The following RHBDD1 variants were observed in gnomAD, a reference collection of about 807,000 sequenced individuals.
RHBDD1 encodes rhomboid-related protein 4.
Under a neutral mutation model 36.3 loss-of-function variants are expected in RHBDD1, and 38 were observed. The ratio of observed to expected loss-of-function variants is 1.05; its 90% confidence interval spans 0.81 to 1.37. The LOEUF is 1.37. Ranked by LOEUF, RHBDD1 falls within the 40% of genes most tolerant of loss-of-function variation. RHBDD1 has a pLI of 0.00. For synonymous variants in RHBDD1, 151 were observed against 136.5 expected, an observed-to-expected ratio of 1.11 and a Z score of -0.74; for missense variants, 393 against 377.6, an observed-to-expected ratio of 1.04 and a Z score of -0.34.
the RHBDD1 span, among the ~76,000 whole-genome samples, chr2:226,805,563 C>A: frequency 6.6e-6 from 1 of 152,230 alleles, no homozygotes. Flanking sequence ...TAAGCATATG[C>A]TTAGAAAGAT....
Position 226,993,145 on chromosome 2 carries a change from GC to G in RHBDD1, c.857-2282del, listed in dbSNP as rs1394372204. Among the ~76,000 whole-genome samples, 3 of 152,164 alleles carry G rather than the reference GC, an allele frequency of 2.0e-5. No homozygotes were observed. The East Asian group carries it at 5.8e-4, about 29-fold the overall frequency. On this transcript the variant is annotated intron_variant, in intron 8 of 8. Coordinates refer to ENST00000392062, the MANE Select transcript of RHBDD1 (RefSeq NM_001167608.3). Reference sequence around the variant, plus strand: ...TGGACCTCGGGCATCTTCCTAGTCTGCCCCTTCTAATTCCTCCAGGCAGTTC... The same window carrying G: ...TGGACCTCGGGCATCTTCCTAGTCTGCCCTTCTAATTCCTCCAGGCAGTTC...
At chr2:226,832,845 T>TA (rs1294779646), upstream of RHBDD1, among the ~76,000 whole-genome samples, 1 of 151,848 alleles carries the variant, frequency 6.6e-6, no homozygotes, top group Non-Finnish European at 1.5e-5. Context: ...CCATCTCTAC[T>TA]AAAAAAATAC....
At chr2:226,968,802 C>T (rs1373192683) in intron 8 of RHBDD1, among the ~76,000 whole-genome samples, 1 of 152,198 alleles carries the variant, frequency 6.6e-6, no homozygotes, top group Admixed American at 6.5e-5. Context: ...TCGGTGTTTG[C>T]AGAATGGCTA....
At chr2:226,884,251 A>T (rs1946030497) in intron 5 of RHBDD1, among the ~76,000 whole-genome samples, 1 of 152,030 alleles carries the variant, frequency 6.6e-6, no homozygotes, top group Admixed American at 6.6e-5. Flanking sequence ...TGGGAGTTAA[A>T]TAGGCATGAG....
At chr2:226,833,452 T>C (rs575173257), upstream of RHBDD1, among the ~76,000 whole-genome samples, 10 of 152,318 alleles carry the variant, frequency 6.6e-5, no homozygotes, top group South Asian at 1.4e-3. Context: ...ATTTGTGAAC[T>C]GTACAAGGGT....
chr2:226,837,266 A>G (rs192735091), intron 1 of RHBDD1, among the ~76,000 whole-genome samples: 120 of 152,360 alleles, frequency 7.9e-4, no homozygotes, highest in Admixed American at 1.8e-3. Flanking sequence ...TAAGTAACTT[A>G]TTAGAACTGC....
chr2:226,863,732 G>A (rs1263119756), intron 3 of RHBDD1, among the ~76,000 whole-genome samples: 2 of 152,198 alleles, frequency 1.3e-5, no homozygotes, highest in Non-Finnish European at 2.9e-5. Flanking sequence ...TCATCTTGAG[G>A]TATAGGCTGG....
intron 8 of RHBDD1, among the ~76,000 whole-genome samples, chr2:226,983,981 C>T (rs553334108): frequency 2.3e-4 from 35 of 152,276 alleles, no homozygotes; most frequent in Non-Finnish European, 4.4e-4. Context: ...AGGAACTGTC[C>T]CTGCTCGTAT....
At chr2:226,923,686 A>G (rs367746402) in intron 8 of RHBDD1, among the ~76,000 whole-genome samples, 2 of 152,014 alleles carry the variant, frequency 1.3e-5, no homozygotes, top group East Asian at 3.9e-4. Flanking sequence ...TTTTCTAGAT[A>G]TTGAAGGTGT....
At chr2:226,863,952 A>G (rs1283015652) in intron 3 of RHBDD1, among the ~76,000 whole-genome samples, 1 of 151,912 alleles carries the variant, frequency 6.6e-6, no homozygotes, top group East Asian at 1.9e-4. Context: ...TGCATTTAGA[A>G]CATTATGTGG....
chr2:226,812,902 C>A, the RHBDD1 span, among the ~76,000 whole-genome samples: 2 of 152,126 alleles, frequency 1.3e-5, no homozygotes, highest in Admixed American at 1.3e-4. Flanking sequence ...TTAGGAATTT[C>A]TAGGTAGGTA....
the RHBDD1 span, among the ~76,000 whole-genome samples, chr2:226,805,348 G>T: frequency 1.3e-5 from 2 of 152,202 alleles, no homozygotes; most frequent in Admixed American, 6.5e-5. Context: ...GAGTAGCTGG[G>T]ATTACAGGCA....
At position 226,958,702 on chromosome 2, in the gene RHBDD1, CTGTGTGTGTGTGTGTGTGTG is replaced by C. The variant is rs10666758; in HGVS notation, c.857-36705_857-36686del. The stretch of plus-strand genomic sequence containing the variant: ...TTTGAGTTTAGGATGAAGGATTTTT[CTGTGTGTGTGTGTGTGTGTG>C]TGTGTGTGTGTGTGTGTGTGTGTAA... On this transcript the variant is annotated intron_variant, in intron 8 of 8. Transcript: ENST00000392062. 2.2e-5 allele frequency among the ~76,000 whole-genome samples: 3 copies of C among 138,938 alleles called. No individual in the cohort carries two copies. In the East Asian group the frequency reaches 6.4e-4, roughly 29 times the overall value. 91.1% of individuals were successfully genotyped at this position (138,938 alleles called of 152,430 possible). A position where few individuals can be genotyped will look rare whatever the true frequency, so the allele number is the denominator to read the frequency against.
chr2:226,867,792 C>T (rs1303368316), intron 5 of RHBDD1: 2 of 376,804 alleles, frequency 5.3e-6, no homozygotes, highest in Non-Finnish European at 7.3e-6. Flanking sequence ...GATCTCAGCT[C>T]ACTGCAACCT....
intron 5 of RHBDD1, among the ~76,000 whole-genome samples, chr2:226,885,296 T>G (rs1946114925): frequency 6.6e-6 from 1 of 152,184 alleles, no homozygotes; most frequent in African/African-American, 2.4e-5. Flanking sequence ...GTAAAAAGGT[T>G]TATACCCTTT....
chr2:226,889,147 TA>T (rs1179666126), intron 5 of RHBDD1, among the ~76,000 whole-genome samples: 4 of 152,220 alleles, frequency 2.6e-5, no homozygotes, highest in Non-Finnish European at 4.4e-5. Flanking sequence ...GTGTACTGTT[TA>T]ACACACATGG....
intron 8 of RHBDD1, among the ~76,000 whole-genome samples, chr2:226,974,681 A>G (rs1226437552): frequency 1.3e-5 from 2 of 152,114 alleles, no homozygotes; most frequent in African/African-American, 4.8e-5. Context: ...GTACCTGTGG[A>G]AGTGATTTGT....
At chr2:226,821,416 C>T in the RHBDD1 span, among the ~76,000 whole-genome samples, 2 of 152,124 alleles carry the variant, frequency 1.3e-5, no homozygotes, top group African/African-American at 4.8e-5. Flanking sequence ...TTAGTGTCCA[C>T]AGTCATTGAC....
At chr2:226,930,666 C>CTT (rs1949975325) in intron 8 of RHBDD1, among the ~76,000 whole-genome samples, 2 of 151,878 alleles carry the variant, frequency 1.3e-5, no homozygotes, top group African/African-American at 4.8e-5. Context: ...TAAGTTTCTG[C>CTT]ATGGCAAAAG....
Sources: gnomAD v4.1 joint callset for allele counts (sites outside exome capture counted in the v4.1 genomes callset) on GRCh38, gnomAD v4.1.1 for gene constraint, MANE v1.5 for transcripts, NCBI Gene and HGNC (gene_info 2026-07-23, HGNC 2026-07-21) for gene names.